KCNQ5: variants seen among roughly 807,000 people sequenced by gnomAD.
KCNQ5 encodes the protein potassium voltage-gated channel subfamily KQT member 5.
Under a neutral mutation model 98.2 loss-of-function variants are expected in KCNQ5, and 30 were observed. The ratio of observed to expected loss-of-function variants is 0.31; its 90% CI spans 0.23 to 0.41. KCNQ5 has a LOEUF of 0.41. Among genes scored for constraint, KCNQ5 ranks in the 10% least tolerant of loss-of-function variants. The pLI is 1.00. For missense variants in KCNQ5, 835 were observed against 1,182.5 expected (o/e 0.71, Z 4.31); for synonymous variants, 458 against 449.4 (o/e 1.02, Z -0.24).
At chr6:73,093,086 T>C (rs942627200) in intron 5 of KCNQ5, among the ~76,000 whole-genome samples, 8 of 152,158 alleles carry the variant, frequency 5.3e-5, no homozygotes, top group Non-Finnish European at 8.8e-5. Context: ...ATCTCATTAC[T>C]TGTTATTGGT....
At chr6:72,761,736 T>C (rs1485539040) in intron 1 of KCNQ5, among the ~76,000 whole-genome samples, 1 of 152,066 alleles carries the variant, frequency 6.6e-6, no homozygotes, top group Non-Finnish European at 1.5e-5. Flanking sequence ...ATGCATATTT[T>C]TTTGCTTAGT....
intron 5 of KCNQ5, among the ~76,000 whole-genome samples, chr6:73,104,714 G>T (rs1007310707): frequency 1.2e-4 from 19 of 152,210 alleles, no homozygotes; most frequent in African/African-American, 4.3e-4. Context: ...CAGGTTATTT[G>T]TACCTCCATT....
chr6:72,820,484 C>CTTTCT (rs1554167289), intron 1 of KCNQ5, among the ~76,000 whole-genome samples: 9 of 145,500 alleles, frequency 6.2e-5, no homozygotes, highest in African/African-American at 2.3e-4. Flanking sequence ...TTCTTTCTTT[C>CTTTCT]TTTTTTTTTT....
At chr6:73,005,070 GTGCAA>G (rs1034821154) in intron 2 of KCNQ5, among the ~76,000 whole-genome samples, 8 of 152,174 alleles carry the variant, frequency 5.3e-5, no homozygotes, top group African/African-American at 1.9e-4. Flanking sequence ...AAGTCTTTCT[GTGCAA>G]TATCAGGGAG....
At chr6:73,170,431 C>A (rs113855415) in intron 11 of KCNQ5, among the ~76,000 whole-genome samples, 1 of 80,242 alleles carries the variant, frequency 1.2e-5, no homozygotes, top group African/African-American at 1.6e-4. Context: ...CACACACACA[C>A]ACACACACAC....
chr6:72,790,706 G>A (rs984865320), intron 1 of KCNQ5, among the ~76,000 whole-genome samples: 1 of 152,128 alleles, frequency 6.6e-6, no homozygotes, highest in Non-Finnish European at 1.5e-5. Flanking sequence ...TGCTTAAGGG[G>A]ATGGATATCC....
intron 3 of KCNQ5, among the ~76,000 whole-genome samples, chr6:73,052,603 G>T (rs1042778482): frequency 6.6e-6 from 1 of 152,162 alleles, no homozygotes; most frequent in African/African-American, 2.4e-5. Flanking sequence ...TTAAAGAAAA[G>T]AAATTCCAAA....
At chr6:72,899,878 C>A (rs1779412425) in intron 1 of KCNQ5, among the ~76,000 whole-genome samples, 1 of 151,726 alleles carries the variant, frequency 6.6e-6, no homozygotes, top group South Asian at 2.1e-4. Context: ...CAGAGTCTCA[C>A]TCTGTCACCC....
At chr6:72,768,511 T>C (rs1264602135) in intron 1 of KCNQ5, among the ~76,000 whole-genome samples, 3 of 152,060 alleles carry the variant, frequency 2.0e-5, no homozygotes, top group Admixed American at 1.3e-4. Flanking sequence ...GTGACTGTTT[T>C]AGTATAGAAA....
intron 1 of KCNQ5, among the ~76,000 whole-genome samples, chr6:72,732,679 A>G (rs549933546): frequency 6.6e-6 from 1 of 152,158 alleles, no homozygotes. Context: ...TGAAGCAGGG[A>G]TGTGGTGTGC....
At chr6:73,161,583 C>CA (rs1415987103) in intron 10 of KCNQ5, among the ~76,000 whole-genome samples, 1 of 151,762 alleles carries the variant, frequency 6.6e-6, no homozygotes, top group Non-Finnish European at 1.5e-5. Context: ...ACATGTACTC[C>CA]AAAAAAATGT....
chr6:72,754,626 G>A (rs1247017177), intron 1 of KCNQ5, among the ~76,000 whole-genome samples: 1 of 151,882 alleles, frequency 6.6e-6, no homozygotes, highest in African/African-American at 2.4e-5. Context: ...GAATTATCAG[G>A]CCCCAATGTT....
At chr6:72,757,127 T>G (rs1201148908) in intron 1 of KCNQ5, among the ~76,000 whole-genome samples, 2 of 152,162 alleles carry the variant, frequency 1.3e-5, no homozygotes, top group Non-Finnish European at 2.9e-5. Context: ...ACATTATCTA[T>G]GGATTAATAT....
intron 1 of KCNQ5, among the ~76,000 whole-genome samples, chr6:72,655,612 T>G (rs1034927828): frequency 1.3e-5 from 2 of 152,104 alleles, no homozygotes; most frequent in Non-Finnish European, 2.9e-5. Flanking sequence ...CCTAGGAAAT[T>G]ATTGTCCTGT....
chr6:73,142,449 T>C (rs1394681683), intron 10 of KCNQ5, among the ~76,000 whole-genome samples: 2 of 151,738 alleles, frequency 1.3e-5, no homozygotes, highest in Non-Finnish European at 2.9e-5. Context: ...CATGGGTTTA[T>C]AACTTCTGGT....
intron 1 of KCNQ5, among the ~76,000 whole-genome samples, chr6:72,779,028 TGAA>T (rs1288162113): frequency 6.6e-6 from 1 of 152,172 alleles, no homozygotes; most frequent in Non-Finnish European, 1.5e-5. Flanking sequence ...AGTATGTGAG[TGAA>T]GAAGTTGAGA....
chr6:72,829,918 G>A (rs1798891540), intron 1 of KCNQ5, among the ~76,000 whole-genome samples: 1 of 152,074 alleles, frequency 6.6e-6, no homozygotes, highest in Non-Finnish European at 1.5e-5. Context: ...GTATTGATAG[G>A]TAAAGAGAGC....
At chr6:73,114,506 T>C (rs1322393974) in intron 7 of KCNQ5, among the ~76,000 whole-genome samples, 7 of 152,246 alleles carry the variant, frequency 4.6e-5, no homozygotes, top group Non-Finnish European at 7.3e-5. Flanking sequence ...AATTTGCTTT[T>C]CATTTCAAGC....
intron 2 of KCNQ5, among the ~76,000 whole-genome samples, chr6:73,034,924 C>T (rs915400814): frequency 2.7e-5 from 4 of 147,670 alleles, no homozygotes; most frequent in Admixed American, 6.9e-5. Context: ...CGGCTCACTG[C>T]AAGCTCCGCC....
Sources: allele counts gnomAD v4.1 joint callset (sites outside exome capture counted in the v4.1 genomes callset), GRCh38; gene constraint gnomAD v4.1.1; transcripts MANE v1.5; gene names NCBI Gene and HGNC (gene_info 2026-07-23, HGNC 2026-07-21).